The following ECE1 variants were observed in gnomAD, a reference collection of about 807,000 sequenced individuals.
ECE1 encodes endothelin-converting enzyme 1.
ECE1 carries 35 observed loss-of-function variants against 98.6 expected under a neutral mutation model. The ratio of observed to expected loss-of-function variants is 0.35; its 90% CI spans 0.27 to 0.47. The LOEUF is 0.47. Among genes scored for constraint, ECE1 ranks in the 20% least tolerant of loss-of-function variants. ECE1 has a pLI of 1.00. For synonymous variants in ECE1, 394 were observed against 407.1 expected (o/e 0.97, Z 0.39); for missense variants, 814 against 1,025.3 (o/e 0.79, Z 2.81).
In ECE1 at chr1:21,258,792, C is replaced by T. The variant is rs1214976497; in HGVS notation, c.663G>A (p.Gln221=). 3 of 1,614,086 alleles carry T rather than the reference C, an allele frequency of 1.9e-6. No individual in the cohort carries two copies. Among genetic ancestry groups the T allele is most frequent in the Non-Finnish European group, 2.5e-6 (3 of 1,180,056 alleles). ...GGGCGGTGACCACCTGCAGGGTGTC[C>T]TGGAAGTTGTCCTTGGCCCAGGGAC... The part of the protein sequence containing the change: ...ITGPWAKDNF[Q]DTLQVVTAHY... Residue 221 remains glutamine (Q), a synonymous_variant, in exon 6 of 19, where the codon CAG becomes CAA. Transcript: ENST00000374893. The surrounding 1 kb of genome is among the most constrained non-coding windows in gnomAD (Gnocchi z 4.2).
chr1:21,293,047 C>G (rs1569683046), upstream of ECE1, among the ~76,000 whole-genome samples: 1 of 152,196 alleles, frequency 6.6e-6, no homozygotes, highest in Non-Finnish European at 1.5e-5. Context: ...AACATCTCCC[C>G]GGGGCATGTG....
At position 21,340,469 on chromosome 1, in the gene ECE1, C is replaced by T. The variant is rs11807691; in HGVS notation, c.3+4907G>A. Among the ~76,000 whole-genome samples the T allele has an allele frequency of 0.055, 8,389 of 152,316 alleles. 762 individuals are homozygous for T. The highest frequency in any genetic ancestry group is 0.19 in the African/African-American group (7,812 of 41,542). The stretch of plus-strand genomic sequence containing the variant: ...GGTTTCCCAGCCTTCGGCCTCACTC[C>T]TTCTACTCAATCACCACAAAGCAGC... On this transcript the variant is annotated intron_variant, in intron 1 of 18. Transcript: ENST00000415912. This position sits in a 1 kb window ranked among gnomAD's most constrained non-coding sequence, Gnocchi z 4.6.
intron 17 of ECE1, among the ~76,000 whole-genome samples, chr1:21,223,902 CCT>C (rs538065160): frequency 1.4e-4 from 21 of 152,322 alleles, no homozygotes; most frequent in Middle Eastern, 3.4e-3. Flanking sequence ...CCGGCTGACC[CCT>C]GTTTTAAAGG....
At chr1:21,238,298 C>T in intron 10 of ECE1, 54 bp from the exon 11 acceptor site, 1 of 1,430,980 alleles carries the variant, frequency 7.0e-7, no homozygotes, top group Non-Finnish European at 9.7e-7. Context: ...GTTTCCCAAC[C>T]CCTTTCTTGC....
At chr1:21,321,936 A>C (rs1638974353) in intron 1 of ECE1, among the ~76,000 whole-genome samples, 1 of 152,078 alleles carries the variant, frequency 6.6e-6, no homozygotes, top group African/African-American at 2.4e-5. Context: ...TTAGAGAAGG[A>C]GAAACTGAGG....
At chr1:21,228,188 A>G (rs755856080) in intron 14 of ECE1, 147 bp from the exon 15 acceptor site, 1 of 607,780 alleles carries the variant, frequency 1.6e-6, no homozygotes, top group Non-Finnish European at 2.9e-6. Context: ...ACACAAGTAC[A>G]AGGACATCTA....
chr1:21,263,862 G>A (rs1484046023), intron 4 of ECE1, among the ~76,000 whole-genome samples: 1 of 151,990 alleles, frequency 6.6e-6, no homozygotes, highest in Non-Finnish European at 1.5e-5. Flanking sequence ...GACAACCCAC[G>A]GCACACTCTC....
At chr1:21,265,181 G>C (rs533291723) in intron 4 of ECE1, among the ~76,000 whole-genome samples, 14 of 152,198 alleles carry the variant, frequency 9.2e-5, no homozygotes, top group Non-Finnish European at 1.9e-4. Context: ...TGCATAATTG[G>C]TGAGTGAATA....
chr1:21,236,204 G>A (rs1206816947), intron 12 of ECE1, among the ~76,000 whole-genome samples: 1 of 152,282 alleles, frequency 6.6e-6, no homozygotes, highest in Non-Finnish European at 1.5e-5. Flanking sequence ...GGGACGTGCT[G>A]CGTTTTCCTG....
intron 1 of ECE1, among the ~76,000 whole-genome samples, chr1:21,308,613 G>C (rs780366947): frequency 6.6e-6 from 1 of 152,110 alleles, no homozygotes; most frequent in African/African-American, 2.4e-5. Context: ...AAAATTGGCT[G>C]GGTGACCTCA....
chr1:21,236,603 C>A, intron 12 of ECE1, 143 bp downstream of exon 12: 1 of 795,642 alleles, frequency 1.3e-6, no homozygotes, highest in Non-Finnish European at 2.1e-6. Flanking sequence ...GAGCCAAGAT[C>A]GCACCATAGC....
chr1:21,246,486 G>A (rs1200791050), intron 9 of ECE1, among the ~76,000 whole-genome samples: 2 of 127,598 alleles, frequency 1.6e-5, no homozygotes, highest in African/African-American at 3.1e-5. Context: ...GTGACAGAGT[G>A]AGACTCCATC....
chr1:21,308,782 TC>T (rs1394898202), intron 1 of ECE1, among the ~76,000 whole-genome samples: 2 of 151,826 alleles, frequency 1.3e-5, no homozygotes, highest in African/African-American at 4.8e-5. Context: ...ATGCTGCAAG[TC>T]CCCCAGGGCT....
intron 8 of ECE1, among the ~76,000 whole-genome samples, chr1:21,252,214 C>A (rs746039548): frequency 6.4e-4 from 98 of 152,216 alleles, no homozygotes; most frequent in Non-Finnish European, 1.3e-3. Flanking sequence ...GTGTTCTGTG[C>A]AGGGAAGTTC....
Position 21,227,305 on chromosome 1 carries a change from C to T in ECE1, c.1782-79G>A. The T allele has an allele frequency of 2.9e-6, 4 of 1,391,232 alleles. No homozygotes were observed. In the South Asian group the frequency reaches 3.5e-5, roughly 12 times the overall value. 86.2% of individuals were successfully genotyped at this position (1,391,232 alleles called of 1,614,324 possible). A position where few individuals can be genotyped will look rare whatever the true frequency, so the allele number is the denominator to read the frequency against. On this transcript the variant is annotated intron_variant, in intron 15 of 18. Transcript: ENST00000374893. ...CTCTTGCTCAGGTATGTGACCCTCACTTCCTGGGCTTAGAGATATAGCAAA... is the reference window on the plus strand; with the variant it reads ...CTCTTGCTCAGGTATGTGACCCTCATTTCCTGGGCTTAGAGATATAGCAAA...
intron 4 of ECE1, among the ~76,000 whole-genome samples, chr1:21,267,689 T>C (rs746207900): frequency 2.0e-5 from 3 of 152,146 alleles, no homozygotes; most frequent in Non-Finnish European, 4.4e-5. Context: ...TCAATCCACG[T>C]AACCATTCCC....
In ECE1 at chr1:21,233,605, T is replaced by C. The variant is rs777795143; in HGVS notation, c.1623A>G (p.Ser541=). 1.5e-5 allele frequency: 24 copies of C among 1,613,730 alleles called. No homozygotes were observed. Among genetic ancestry groups the C allele is most frequent in the Non-Finnish European group, 2.0e-5 (24 of 1,179,892 alleles). The change falls in exon 14 of 19, where the codon TCA becomes TCG. Residue 541 remains serine (S), a synonymous_variant. Coordinates refer to ENST00000374893, the MANE Select transcript of ECE1 (RefSeq NM_001397.3). The surrounding 1 kb of genome is among the most constrained non-coding windows in gnomAD (Gnocchi z 4.0). ...FENAMRFFNF[S]WRVTADQLRK... ...TGAGCTGATCGGCAGTGACCCTCCA[T>C]GAGAAGTTGAAAAACCGCATGGCAT... is the stretch of plus-strand genomic sequence containing the variant.
At chr1:21,275,009 T>C (rs944626192) in intron 3 of ECE1, among the ~76,000 whole-genome samples, 2 of 152,078 alleles carry the variant, frequency 1.3e-5, no homozygotes, top group Non-Finnish European at 2.9e-5. Flanking sequence ...TCCATGTAGG[T>C]TGAAAGAGCC....
At chr1:21,257,335 T>C (rs1316093411) in intron 7 of ECE1, among the ~76,000 whole-genome samples, 190 bp downstream of exon 7, 1 of 152,150 alleles carries the variant, frequency 6.6e-6, no homozygotes, top group Non-Finnish European at 1.5e-5. Flanking sequence ...GCCCCTTGTG[T>C]CCATGATGCC....
Sources: gnomAD v4.1 joint callset for allele counts (sites outside exome capture counted in the v4.1 genomes callset) on GRCh38, gnomAD v4.1.1 for gene constraint, Gnocchi (gnomAD v3.1) non-coding constraint, MANE v1.5 for transcripts, NCBI Gene and HGNC (gene_info 2026-07-23, HGNC 2026-07-21) for gene names.